HDAC5: variants seen among roughly 807,000 people sequenced by gnomAD.
HDAC5 encodes histone deacetylase 5.
HDAC5 carries 25 observed loss-of-function variants against 133.3 expected under a neutral mutation model. The observed-to-expected ratio is 0.19, with a 90% CI of 0.14 to 0.26. HDAC5 has a LOEUF of 0.26. Among genes scored for constraint, HDAC5 ranks in the 10% least tolerant of loss-of-function variants. HDAC5 has a pLI of 1.00. For synonymous variants in HDAC5, 589 were observed against 610.8 expected, an observed-to-expected ratio of 0.96 and a Z score of 0.53; for missense variants, 1,041 against 1,460.5, an observed-to-expected ratio of 0.71 and a Z score of 4.68.
rs572459679 is a variant in HDAC5, at chr17:44,092,978, G to T, written c.641+114C>A. On this transcript the variant is annotated intron_variant, in intron 6 of 26. Transcript: ENST00000682912. ...CAGGGATGGGGGTCCTGTCTCTAAG[G>T]AGAGATTGCAGGGCCCGTATATGGG... 326 of 732,668 alleles carry T rather than the reference G, an allele frequency of 4.4e-4. 1 individual carries two copies. The highest frequency in any genetic ancestry group is 1.7e-3 in the Admixed American group (55 of 33,290). 45.4% of individuals were successfully genotyped at this position (732,668 alleles called of 1,614,324 possible).
chr17:44,099,677 T>G (rs1440359275), intron 3 of HDAC5, among the ~76,000 whole-genome samples: 1 of 152,068 alleles, frequency 6.6e-6, no homozygotes, highest in Admixed American at 6.6e-5. Context: ...GGTTTCACCG[T>G]GTTAGCCAGG....
At chr17:44,082,876 G>C (rs188695612) in intron 18 of HDAC5, 56 bp from the exon 19 acceptor site, 83 of 1,475,108 alleles carry the variant, frequency 5.6e-5, no homozygotes, top group South Asian at 3.9e-4. Context: ...GGCCGTGGAG[G>C]GGGTAGCACA....
intron 2 of HDAC5, among the ~76,000 whole-genome samples, chr17:44,114,720 C>T (rs550474105): frequency 1.4e-4 from 21 of 152,272 alleles, no homozygotes; most frequent in South Asian, 4.1e-4. Flanking sequence ...CTGGTTGGGC[C>T]GAGTCTGAGC....
intron 11 of HDAC5, 46 bp from the exon 12 acceptor site, chr17:44,088,644 G>GA (rs1567992775): frequency 6.3e-7 from 1 of 1,584,864 alleles, no homozygotes; most frequent in Non-Finnish European, 8.6e-7. Context: ...CAGGGCACCT[G>GA]ACTGCCCTCC....
At chr17:44,095,206 A>G (rs2051191864) in intron 3 of HDAC5, among the ~76,000 whole-genome samples, 1 of 152,164 alleles carries the variant, frequency 6.6e-6, no homozygotes, top group African/African-American at 2.4e-5. Context: ...CATTTTACTG[A>G]TGAGGAAACT....
At chr17:44,089,175 C>T (rs917452277) in intron 11 of HDAC5, among the ~76,000 whole-genome samples, 6 of 152,220 alleles carry the variant, frequency 3.9e-5, no homozygotes, top group Non-Finnish European at 7.3e-5. Context: ...GAAGTATACA[C>T]TAGATTTCAA....
intron 3 of HDAC5, among the ~76,000 whole-genome samples, chr17:44,107,607 C>CAAAA (rs61428400): frequency 4.5e-5 from 4 of 88,672 alleles, no homozygotes; most frequent in African/African-American, 9.1e-5. Flanking sequence ...GACTCCGTAT[C>CAAAA]AAAAAAAAAA....
At position 44,093,191 on chromosome 17, in the gene HDAC5, G is replaced by C. The variant is rs1358904301; in HGVS notation, c.542C>G (p.Thr181Ser). 6.2e-7 allele frequency: 1 copy of C among 1,612,596 alleles called. No individual in the cohort carries two copies. Among genetic ancestry groups the C allele is most frequent in the Non-Finnish European group, 8.5e-7 (1 of 1,179,160 alleles). The change falls in exon 6 of 27, where the codon ACT becomes AGT. Residue 181 changes from threonine to serine, a missense_variant. By Grantham distance (58) the Thr-to-Ser change is moderately conservative (BLOSUM62 1). This residue lies in a region of HDAC5 where 109 missense variants were observed against 168.0 expected (regional missense o/e 0.65). Coordinates refer to ENST00000682912, the MANE Select transcript of HDAC5 (RefSeq NM_005474.5). ...EKSKESAIAS[T>S]EVKLRLQEFL... ...TTCCTGGAGCCTCAGCTTTACCTCA[G>C]TGCTGGCAATGGCACCTGCAGGACA...
chr17:44,080,308 C>T (rs901599101), intron 22 of HDAC5, 83 bp from the exon 23 acceptor site: 3 of 1,545,186 alleles, frequency 1.9e-6, no homozygotes, highest in African/African-American at 1.4e-5. Flanking sequence ...AGACAACCCC[C>T]TCTACCCACA....
chr17:44,111,701 G>T, intron 2 of HDAC5: 1 of 515,308 alleles, frequency 1.9e-6, no homozygotes, highest in South Asian at 1.4e-5. Flanking sequence ...GAGTTGAGAG[G>T]TGCCTCCCCA....
intron 5 of HDAC5, 24 bp downstream of exon 5, chr17:44,093,290 A>T (rs1388053338): frequency 6.3e-7 from 1 of 1,579,508 alleles, no homozygotes; most frequent in Admixed American, 1.7e-5. Flanking sequence ...GGGCCCTACG[A>T]GGTCCCAGGA....
rs199545461 is a variant in HDAC5 at position 44,078,515 on chromosome 17, C to T, written c.3314G>A (p.Arg1105Gln). 38 of 1,609,310 alleles carry T rather than the reference C, an allele frequency of 2.4e-5. No individual in the cohort carries two copies. Among genetic ancestry groups the T allele is most frequent in the Admixed American group, 5.0e-5 (3 of 59,406 alleles). The change falls in exon 26 of 27, where the codon CGG becomes CAG. Residue 1105 changes from arginine (R) to glutamine (Q), a missense_variant. Arg to Gln is a conservative substitution (Grantham distance 43, BLOSUM62 1). Coordinates refer to ENST00000682912, the MANE Select transcript of HDAC5 (RefSeq NM_005474.5). ...GAEQAQAAAA[R>Q]EHSPRPAEEP... Reference sequence around the variant, plus strand: ...TGCTGCTTACCTGGGGCTGTGTTCCCGGGCTGCCGCAGCCTGGGCCTGCTC... The same window carrying T: ...TGCTGCTTACCTGGGGCTGTGTTCCTGGGCTGCCGCAGCCTGGGCCTGCTC...
intron 3 of HDAC5, among the ~76,000 whole-genome samples, chr17:44,109,331 C>G (rs528364325): frequency 6.6e-6 from 1 of 152,266 alleles, no homozygotes; most frequent in East Asian, 1.9e-4. Flanking sequence ...AGGATAAGAA[C>G]CAGCCCTCTG....
intron 4 of HDAC5, 40 bp from the exon 5 acceptor site, chr17:44,093,525 C>T: frequency 6.3e-7 from 1 of 1,598,356 alleles, no homozygotes; most frequent in Non-Finnish European, 8.5e-7. Context: ...TGAGCCAGGC[C>T]CGGGCGGGGA....
rs542264768 is a variant in HDAC5, at chr17:44,112,545, G to A, written c.23-1745C>T. Among the ~76,000 whole-genome samples, 4 of 152,176 alleles carry A rather than the reference G, an allele frequency of 2.6e-5. No homozygotes were observed. In the East Asian group the frequency reaches 7.7e-4, roughly 29 times the overall value. ...CCCCCACTCCAGGCATGGAGCCAGG[G>A]ACACCTGTCCTCTCTCTGGACTGGA... On this transcript the variant is annotated intron_variant, in intron 2 of 26. Transcript: ENST00000682912.
At position 44,092,729 on chromosome 17, in the gene HDAC5, A is replaced by G. The variant is rs2143275581; in HGVS notation, c.719T>C (p.Leu240Pro). Residue 240 changes from leucine (L) to proline (P), a missense_variant, in exon 7 of 27, where the codon CTG becomes CCG. Leu to Pro is a moderately conservative substitution (Grantham distance 98). Around this residue, in one of 9 missense-constraint regions of HDAC5, gnomAD observed 56 missense variants for 41.3 expected, o/e 1.36. Transcript: ENST00000682912. Reference protein sequence around the residue: ...GPPGTPPSYKLPLPGPYDSRD... With the variant: ...GPPGTPPSYKPPLPGPYDSRD... ...ACTGTCGTAGGGCCCAGGCAAAGGC[A>G]GTTTGTAGGAGGGAGGCGTCCCAGG... 1 of 1,380,914 alleles carries G rather than the reference A, an allele frequency of 7.2e-7. No individual in the cohort carries two copies. Among genetic ancestry groups the G allele is most frequent in the East Asian group, 2.9e-5 (1 of 33,996 alleles). 85.5% of individuals were successfully genotyped at this position (1,380,914 alleles called of 1,614,324 possible). A position where few individuals can be genotyped will look rare whatever the true frequency, so the allele number is the denominator to read the frequency against.
In HDAC5 at chr17:44,117,850, C is replaced by G. The variant is rs574866359; in HGVS notation, c.-189-146G>C. ...ACAGCCACAGGAGAAATCTGCAGAA[C>G]TGGATAGACCCTGGTTTCTTATCTT... On this transcript the variant is annotated intron_variant, in intron 1 of 26. Coordinates refer to ENST00000682912, the MANE Select transcript of HDAC5 (RefSeq NM_005474.5). The surrounding 1 kb of genome is among the most constrained non-coding windows in gnomAD (Gnocchi z 4.2). The G allele has an allele frequency of 3.3e-4, 183 of 554,452 alleles. No homozygotes were observed. The South Asian group carries it at 4.4e-3, about 13-fold the overall frequency. The allele number at this position is 554,452 out of a possible 1,614,324, so 34.3% of individuals were successfully genotyped here.
rs368023686 is a variant in HDAC5 at position 44,080,923 on chromosome 17, T to C, written c.2608-41A>G. On this transcript the variant is annotated intron_variant, in intron 20 of 26. Transcript: ENST00000682912. Reference sequence around the variant, plus strand: ...GAAGCATCGGGAAAATGGCCCGCGCTCTGACCCAATGGTCAAATTCCACCT... The same window carrying C: ...GAAGCATCGGGAAAATGGCCCGCGCCCTGACCCAATGGTCAAATTCCACCT... 11 of 1,613,446 alleles carry C rather than the reference T, an allele frequency of 6.8e-6. No homozygotes were observed. The African/African-American group carries it at 1.5e-4, about 22-fold the overall frequency.
In HDAC5 at chr17:44,078,293, G is replaced by A; in HGVS notation, c.*83C>T. 2.2e-6 allele frequency: 3 copies of A among 1,388,548 alleles called. No individual in the cohort carries two copies. The highest frequency in any genetic ancestry group is 1.5e-5 in the South Asian group (1 of 65,036). The allele number at this position is 1,388,548 out of a possible 1,614,324, so 86.0% of individuals were successfully genotyped here. A position where few individuals can be genotyped will look rare whatever the true frequency, so the allele number is the denominator to read the frequency against. Reference sequence around the variant, plus strand: ...CTGAGAGACCCACACGGCACACCTTGTTGAATGTGTGACTTTTTGTTTTTA... The same window carrying A: ...CTGAGAGACCCACACGGCACACCTTATTGAATGTGTGACTTTTTGTTTTTA... On this transcript the variant is annotated 3_prime_UTR_variant, in exon 27 of 27. Transcript: ENST00000682912.
Sources: allele counts gnomAD v4.1 joint callset (sites outside exome capture counted in the v4.1 genomes callset), GRCh38; gene constraint gnomAD v4.1.1; regional missense constraint gnomAD v4.1.1; non-coding constraint Gnocchi (gnomAD v3.1); transcripts MANE v1.5; gene names NCBI Gene and HGNC (gene_info 2026-07-23, HGNC 2026-07-21).